Variants in CCDC85C observed in about 807,000 individuals in gnomAD.
The protein encoded by CCDC85C is coiled-coil domain-containing protein 85C.
A neutral mutation model predicts 38.3 loss-of-function variants in CCDC85C; 18 were observed. That is an observed-to-expected ratio of 0.47 (90% CI 0.33 to 0.70). The LOEUF (loss-of-function observed/expected upper bound fraction) is 0.70, where lower values mean the gene tolerates loss of function less well. Ranked by LOEUF, CCDC85C falls within the 30% of genes least tolerant of loss-of-function variation. CCDC85C has a pLI of 0.03. For missense variants in CCDC85C, 566 were observed against 621.2 expected (o/e 0.91, Z 0.94); for synonymous variants, 264 against 293.8 (o/e 0.90, Z 1.04).
At position 99,560,911 on chromosome 14, in the gene CCDC85C, C is replaced by T. The variant is rs528482607; in HGVS notation, c.794-24823G>A. ...GGACGGGCCTCCTCAGAGAACAGGG[C>T]TCCCACAAGGCCTCCACCCCCAGGC... On this transcript the variant is annotated intron_variant, in intron 1 of 5. Transcript: ENST00000380243. Among the ~76,000 whole-genome samples, 3 of 152,212 alleles carry T rather than the reference C, an allele frequency of 2.0e-5. 1 individual carries two copies. The South Asian group carries it at 6.2e-4, about 32-fold the overall frequency.
At chr14:99,566,990 C>T (rs969437866) in intron 1 of CCDC85C, among the ~76,000 whole-genome samples, 2 of 152,222 alleles carry the variant, frequency 1.3e-5, no homozygotes, top group Non-Finnish European at 2.9e-5. Context: ...AGGCAGCGCT[C>T]CAGCCTCAAG....
At chr14:99,570,706 A>G (rs1427540414) in intron 1 of CCDC85C, among the ~76,000 whole-genome samples, 1 of 152,056 alleles carries the variant, frequency 6.6e-6, no homozygotes, top group Non-Finnish European at 1.5e-5. Context: ...CCTTATCTAG[A>G]TATTCACCTT....
chr14:99,577,917 A>AGTGTGTGT (rs368902066), intron 1 of CCDC85C, among the ~76,000 whole-genome samples: 2 of 117,156 alleles, frequency 1.7e-5, no homozygotes, highest in African/African-American at 6.9e-5. Flanking sequence ...ATCCCCCATC[A>AGTGTGTGT]GTGTGTGTGT....
chr14:99,502,996 A>G lies in CCDC85C; in HGVS notation c.*12250T>C. 6.2e-7 allele frequency: 1 copy of G among 1,613,888 alleles called. No homozygotes were observed. The highest frequency in any genetic ancestry group is 8.5e-7 in the Non-Finnish European group (1 of 1,179,820). Reference sequence around the variant, plus strand: ...TTAAGCGAGCCGTGGTGAGTGGGCTAAAGCAGGCCCTGGGTAGAGCAGGCT... The same window carrying G: ...TTAAGCGAGCCGTGGTGAGTGGGCTGAAGCAGGCCCTGGGTAGAGCAGGCT... On this transcript the variant is annotated 3_prime_UTR_variant, in exon 6 of 6. Transcript: ENST00000380243.
intron 1 of CCDC85C, among the ~76,000 whole-genome samples, chr14:99,553,634 A>G (rs1897956529): frequency 6.6e-6 from 1 of 152,126 alleles, no homozygotes; most frequent in Non-Finnish European, 1.5e-5. Flanking sequence ...AAGTGCTGGG[A>G]TTACAGGTGT....
intron 1 of CCDC85C, among the ~76,000 whole-genome samples, chr14:99,600,936 G>A (rs897383199): frequency 1.1e-4 from 17 of 152,210 alleles, no homozygotes; most frequent in African/African-American, 3.4e-4. Flanking sequence ...GAGCTGGGAG[G>A]ATCACTTAAG....
chr14:99,553,791 G>A (rs1008053101), intron 1 of CCDC85C, among the ~76,000 whole-genome samples: 4 of 152,238 alleles, frequency 2.6e-5, no homozygotes, highest in Non-Finnish European at 5.9e-5. Flanking sequence ...GGGCTGGGCT[G>A]AGCCCCTGCG....
In CCDC85C at chr14:99,588,680, C is replaced by A. The variant is rs1410596171; in HGVS notation, c.793+14487G>T. Among the ~76,000 whole-genome samples the A allele has an allele frequency of 6.6e-6, 1 of 152,024 alleles. No individual in the cohort carries two copies. Among genetic ancestry groups the A allele is most frequent in the Admixed American group, 6.5e-5 (1 of 15,268 alleles). ...CTGGTCTGGGGTCAGGTCATTCCCC[C>A]ACCCGTATAAGCACTTGGAAGGTGG... On this transcript the variant is annotated intron_variant, in intron 1 of 5. Transcript: ENST00000380243. This position sits in a 1 kb window ranked among gnomAD's most constrained non-coding sequence, Gnocchi z 5.0.
At chr14:99,530,466 G>A (rs1030030535) in intron 2 of CCDC85C, among the ~76,000 whole-genome samples, 2 of 152,302 alleles carry the variant, frequency 1.3e-5, no homozygotes, top group Non-Finnish European at 2.9e-5. Context: ...GTGGACCACC[G>A]CGACGCCAGC....
intron 1 of CCDC85C, among the ~76,000 whole-genome samples, chr14:99,579,425 G>A (rs2054941028): frequency 6.6e-6 from 1 of 152,242 alleles, no homozygotes; most frequent in African/African-American, 2.4e-5. Flanking sequence ...TACTCACACA[G>A]TGAGTGGGAC....
Position 99,502,599 on chromosome 14 carries a change from A to C in CCDC85C, c.*12647T>G, listed in dbSNP as rs1241402645. ...TGTTGCACACAACGAAGATGGGGTG[A>C]GTTGTAAATGTGATTCATGCTTAGG... On this transcript the variant is annotated 3_prime_UTR_variant, in exon 6 of 6. Coordinates refer to ENST00000380243, the MANE Select transcript of CCDC85C (RefSeq NM_001144995.2). 8.3e-7 allele frequency: 1 copy of C among 1,205,360 alleles called. No individual in the cohort carries two copies. Among genetic ancestry groups the C allele is most frequent in the African/African-American group, 1.5e-5 (1 of 65,464 alleles). 74.7% of individuals were successfully genotyped at this position (1,205,360 alleles called of 1,614,324 possible).
intron 1 of CCDC85C, among the ~76,000 whole-genome samples, chr14:99,559,936 T>C (rs1254285766): frequency 6.6e-6 from 1 of 151,956 alleles, no homozygotes; most frequent in Non-Finnish European, 1.5e-5. Context: ...CTGGGTTGCA[T>C]GGGTCTGGGT....
chr14:99,519,278 G>C (rs1368120114), intron 3 of CCDC85C, among the ~76,000 whole-genome samples: 1 of 102,206 alleles, frequency 9.8e-6, no homozygotes, highest in East Asian at 2.7e-4. Flanking sequence ...ACCATGCCCA[G>C]CTTTTTTTTT....
chr14:99,524,771 GT>G (rs1566761285), intron 2 of CCDC85C, among the ~76,000 whole-genome samples: 2 of 152,220 alleles, frequency 1.3e-5, no homozygotes, highest in African/African-American at 4.8e-5. Flanking sequence ...TGCTGGGCTT[GT>G]TCTGCACACA....
chr14:99,546,174 A>G (rs1223317872), intron 1 of CCDC85C, among the ~76,000 whole-genome samples: 2 of 151,966 alleles, frequency 1.3e-5, no homozygotes, highest in Non-Finnish European at 2.9e-5. Context: ...GGCTGCTTTC[A>G]TCACTAGATG....
chr14:99,603,960 G>T lies in CCDC85C; in HGVS notation c.-1C>A. The T allele has an allele frequency of 7.5e-7, 1 of 1,337,506 alleles. No homozygotes were observed. Among genetic ancestry groups the T allele is most frequent in the Non-Finnish European group, 9.5e-7 (1 of 1,049,822 alleles). The allele number at this position is 1,337,506 out of a possible 1,614,324, so 82.9% of individuals were successfully genotyped here. A position where few individuals can be genotyped will look rare whatever the true frequency, so the allele number is the denominator to read the frequency against. On this transcript the variant is annotated 5_prime_UTR_variant, in exon 1 of 6. Transcript: ENST00000380243. The surrounding 1 kb of genome is among the most constrained non-coding windows in gnomAD (Gnocchi z 7.5). ...CCGCCGTCGCCGCGGGCTTAGCCAT[G>T]GCGGGGCCGTCACCGCGGCATCGCC...
At chr14:99,559,615 G>A (rs1021419808) in intron 1 of CCDC85C, among the ~76,000 whole-genome samples, 5 of 152,088 alleles carry the variant, frequency 3.3e-5, no homozygotes, top group Admixed American at 1.3e-4. Flanking sequence ...GCCAGCAGTC[G>A]CCTGTTAACC....
At chr14:99,573,489 C>T (rs114739595) in intron 1 of CCDC85C, among the ~76,000 whole-genome samples, 3,649 of 152,306 alleles carry the variant, frequency 0.024, 142 homozygotes, top group African/African-American at 0.084. Context: ...CTTTGAGGTC[C>T]GGCGCTCCTC....
intron 1 of CCDC85C, among the ~76,000 whole-genome samples, chr14:99,600,505 C>T (rs1035640209): frequency 3.9e-5 from 6 of 152,178 alleles, no homozygotes; most frequent in African/African-American, 1.4e-4. Flanking sequence ...AGGGAGTCAC[C>T]AGTGTCCCCT....
Sources: allele counts gnomAD v4.1 joint callset (sites outside exome capture counted in the v4.1 genomes callset), GRCh38; gene constraint gnomAD v4.1.1; non-coding constraint Gnocchi (gnomAD v3.1); transcripts MANE v1.5; gene names NCBI Gene and HGNC (gene_info 2026-07-23, HGNC 2026-07-21).